Variants in TNS4 observed in about 807,000 individuals in gnomAD.
TNS4 encodes the protein tensin-4.
TNS4 carries 46 observed loss-of-function variants against 70.4 expected under a neutral mutation model. That is an observed-to-expected ratio of 0.65 (90% CI 0.52 to 0.84). The LOEUF is 0.84. TNS4 is among the 40% of genes least tolerant of loss of function. TNS4 has a pLI of 0.00. For missense variants in TNS4, 863 were observed against 907.0 expected, an observed-to-expected ratio of 0.95 and a Z score of 0.62; for synonymous variants, 390 against 366.6, an observed-to-expected ratio of 1.06 and a Z score of -0.73.
rs11463268 is a variant in TNS4 at position 40,489,796 on chromosome 17, C to CAAAA, written c.440-831_440-828dup. On this transcript the variant is annotated intron_variant, in intron 2 of 12. Transcript: ENST00000254051. ...AGTGACAAGAGTGAAGCCCCATCTC[C>CAAAA]AAAAAAAAAAAAAAAAAGGAAGTGG... 9.4e-4 allele frequency among the ~76,000 whole-genome samples: 99 copies of CAAAA among 105,604 alleles called. 1 individual carries two copies. Among genetic ancestry groups the CAAAA allele is most frequent in the African/African-American group, 3.5e-3 (94 of 26,960 alleles). The allele number at this position is 105,604 out of a possible 152,430, so 69.3% of individuals were successfully genotyped here. A position where few individuals can be genotyped will look rare whatever the true frequency, so the allele number is the denominator to read the frequency against.
In TNS4 at chr17:40,482,406, G is replaced by A; in HGVS notation, c.1512C>T (p.Ser504=). ...TGAGGAAGTGTCGGATGAGGTCATTGCTGTCCTCACCTGGACAGAGAAGAA... is the reference window on the plus strand; with the variant it reads ...TGAGGAAGTGTCGGATGAGGTCATTACTGTCCTCACCTGGACAGAGAAGAA... ...ASAQSRPGED[S]NDLIRHFLIE... The change falls in exon 7 of 13, where the codon AGC becomes AGT. Residue 504 remains serine, a synonymous_variant. Transcript: ENST00000254051. 1 of 1,613,914 alleles carries A rather than the reference G, an allele frequency of 6.2e-7. No homozygotes were observed. Among genetic ancestry groups the A allele is most frequent in the Non-Finnish European group, 8.5e-7 (1 of 1,179,942 alleles).
Position 40,488,662 on chromosome 17 carries a change from C to A in TNS4, c.747G>T (p.Pro249=). The change falls in exon 3 of 13, where the codon CCG becomes CCT. Residue 249 remains proline (P), a synonymous_variant. Transcript: ENST00000254051. ...KASSPHGLGS[P]LVASPRLEKR... ...TCTCCAGTCTTGGAGAAGCCACCAG[C>A]GGGGAGCCCAAACCATGGGGGCTCG... 1 of 1,561,696 alleles carries A rather than the reference C, an allele frequency of 6.4e-7. No individual in the cohort carries two copies. The highest frequency in any genetic ancestry group is 8.7e-7 in the Non-Finnish European group (1 of 1,153,606).
rs931736931 is a variant in TNS4 at position 40,477,544 on chromosome 17, C to T, written c.*44G>A. 1.2e-5 allele frequency: 20 copies of T among 1,606,208 alleles called. No individual in the cohort carries two copies. The highest frequency in any genetic ancestry group is 3.3e-5 in the South Asian group (3 of 90,306). On this transcript the variant is annotated 3_prime_UTR_variant, in exon 13 of 13. Transcript: ENST00000254051. ...CAGGGGGTGGAGGGGGGCTCCTTAG[C>T]GAGCCCCTGGAGGTGTTGGTTAGGT...
rs766829085 is a variant in TNS4, at chr17:40,477,689, C to T, written c.2047G>A (p.Glu683Lys). Reference protein sequence around the residue: ...FVAKSQTEPQENVCHLFAEYD... With the variant: ...FVAKSQTEPQKNVCHLFAEYD... ...TCCGCAAAGAGGTGGCATACGTTCT[C>T]CTGAGGCTCTGTCTGGCTCTTGGCC... The change falls in exon 13 of 13, where the codon GAG (glutamate) becomes AAG (lysine). Residue 683 changes from glutamate to lysine, a missense_variant. By Grantham distance (56) the Glu-to-Lys change is moderately conservative. Coordinates refer to ENST00000254051, the MANE Select transcript of TNS4 (RefSeq NM_032865.6). 1 of 1,614,100 alleles carries T rather than the reference C, an allele frequency of 6.2e-7. No individual in the cohort carries two copies. Among genetic ancestry groups the T allele is most frequent in the Admixed American group, 1.7e-5 (1 of 60,020 alleles).
At position 40,478,577 on chromosome 17, in the gene TNS4, T is replaced by G. The variant is rs780047833; in HGVS notation, c.1979+3A>C. Reference sequence around the variant, plus strand: ...TCTTAGTTTGGCCCAGCCTTGAACTTACTTCCGTTGCTCAGGGTCCATACC... The same window carrying G: ...TCTTAGTTTGGCCCAGCCTTGAACTGACTTCCGTTGCTCAGGGTCCATACC... On this transcript the variant is annotated splice_donor_region_variant and intron_variant, in intron 11 of 12. Coordinates refer to ENST00000254051, the MANE Select transcript of TNS4 (RefSeq NM_032865.6). 2 of 1,614,094 alleles carry G rather than the reference T, an allele frequency of 1.2e-6. No individual in the cohort carries two copies. The highest frequency in any genetic ancestry group is 1.7e-6 in the Non-Finnish European group (2 of 1,179,964).
chr17:40,476,941 T>A lies in TNS4; in HGVS notation c.*647A>T, dbSNP rs1199008328. The stretch of plus-strand genomic sequence containing the variant: ...TGCAAGGGGGTGCAGGACAGCTGGG[T>A]CTCCTCTGACCATGGGGACAAGTTC... On this transcript the variant is annotated 3_prime_UTR_variant, in exon 13 of 13. Transcript: ENST00000254051. The A allele has an allele frequency of 1.3e-5, 2 of 152,024 alleles. No individual in the cohort carries two copies. Among genetic ancestry groups the A allele is most frequent in the Non-Finnish European group, 2.9e-5 (2 of 68,042 alleles). The allele number at this position is 152,024 out of a possible 1,614,324, so 9.4% of individuals were successfully genotyped here.
rs951927409 is a variant in TNS4, at chr17:40,477,424, C to G, written c.*164G>C. 20 of 859,336 alleles carry G rather than the reference C, an allele frequency of 2.3e-5. No homozygotes were observed. The highest frequency in any genetic ancestry group is 3.5e-4 in the Middle Eastern group (1 of 2,870). 53.2% of individuals were successfully genotyped at this position (859,336 alleles called of 1,614,324 possible). A position where few individuals can be genotyped will look rare whatever the true frequency, so the allele number is the denominator to read the frequency against. On this transcript the variant is annotated 3_prime_UTR_variant, in exon 13 of 13. Transcript: ENST00000254051. ...CGGGGGGTCTGGATGATGGTGACTG[C>G]TGAAGGCCATAGCAGGTTCAAGGGT...
Position 40,496,297 on chromosome 17 carries a change from G to A in TNS4, c.129C>T (p.Tyr43=), listed in dbSNP as rs757683724. The A allele has an allele frequency of 5.0e-6, 8 of 1,613,058 alleles. No individual in the cohort carries two copies. The highest frequency in any genetic ancestry group is 1.1e-5 in the South Asian group (1 of 90,992). Residue 43 remains tyrosine, a synonymous_variant, in exon 2 of 13, where the codon TAC becomes TAT. Coordinates refer to ENST00000254051, the MANE Select transcript of TNS4 (RefSeq NM_032865.6). ...CCTGGGCTCCCCAGCCTTCCGTGGT[G>A]TAGTAAGAACACTGGGGTGGCAGGC... ...SPSLPPQCSY[Y]TTEGWGAQAL...
intron 1 of TNS4, among the ~76,000 whole-genome samples, chr17:40,499,819 C>T (rs1396395334): frequency 6.6e-6 from 1 of 152,218 alleles, no homozygotes; most frequent in Non-Finnish European, 1.5e-5. Context: ...GCAGGGTTTT[C>T]TGGCTGTGTC....
rs73983056 is a variant in TNS4 at position 40,493,370 on chromosome 17, C to T, written c.439+2617G>A. Among the ~76,000 whole-genome samples the T allele has an allele frequency of 9.7e-3, 1,473 of 152,200 alleles. 28 individuals carry two copies. Among genetic ancestry groups the T allele is most frequent in the African/African-American group, 0.032 (1,341 of 41,524 alleles). ...GGGATCCTCCACTCTGAATACATTTCGAGGTAAGAGAACTCACCACAACGC... is the reference window on the plus strand; with the variant it reads ...GGGATCCTCCACTCTGAATACATTTTGAGGTAAGAGAACTCACCACAACGC... On this transcript the variant is annotated intron_variant, in intron 2 of 12. Transcript: ENST00000254051.
Position 40,484,892 on chromosome 17 carries a change from A to T in TNS4, c.1375+29T>A, listed in dbSNP as rs538802509. 1.9e-6 allele frequency: 3 copies of T among 1,609,334 alleles called. No individual in the cohort carries two copies. In the African/African-American group the frequency reaches 4.0e-5, roughly 21 times the overall value. On this transcript the variant is annotated intron_variant, in intron 5 of 12. Transcript: ENST00000254051. ...ATGCAAAGTGCAAGACCCAGACCCT[A>T]TTCTGGGGTCACTCGTGCTTCCTTT...
chr17:40,498,659 G>C (rs936967654), intron 1 of TNS4, among the ~76,000 whole-genome samples: 1 of 152,082 alleles, frequency 6.6e-6, no homozygotes. Context: ...TGGGGCTCAA[G>C]CGATTCTCCC....
intron 9 of TNS4, 21 bp from the exon 10 acceptor site, chr17:40,479,863 G>A (rs2290209): frequency 1.2e-5 from 19 of 1,594,274 alleles, no homozygotes; most frequent in East Asian, 2.3e-5. Context: ...CAGACACTGC[G>A]CTGGGGCCAC....
rs375044058 is a variant in TNS4 at position 40,479,656 on chromosome 17, G to A, written c.1910+18C>T. The A allele has an allele frequency of 3.7e-6, 6 of 1,608,112 alleles. No individual in the cohort carries two copies. In the South Asian group the frequency reaches 5.5e-5, roughly 15 times the overall value. On this transcript the variant is annotated intron_variant, in intron 10 of 12. Coordinates refer to ENST00000254051, the MANE Select transcript of TNS4 (RefSeq NM_032865.6). ...ACTCCGCCAGCCCCGGAGCCCCAGG[G>A]CAAGGGAAGGCCCTTACTTCCTCTG...
At position 40,490,207 on chromosome 17, in the gene TNS4, C is replaced by T. The variant is rs184260469; in HGVS notation, c.440-1238G>A. Among the ~76,000 whole-genome samples, 324 of 152,376 alleles carry T rather than the reference C, an allele frequency of 2.1e-3. 2 individuals carry two copies. Among genetic ancestry groups the T allele is most frequent in the Non-Finnish European group, 3.7e-3 (254 of 68,038 alleles). On this transcript the variant is annotated intron_variant, in intron 2 of 12. Transcript: ENST00000254051. ...CACCCAACACACCCCAGGCTGCCGA[C>T]GCGCTCCAGCGCTCTTTCCACTCCC...
intron 9 of TNS4, 49 bp downstream of exon 9, chr17:40,480,651 C>G: frequency 6.8e-7 from 1 of 1,465,154 alleles, no homozygotes; most frequent in Non-Finnish European, 9.0e-7. Flanking sequence ...TGGGAGGTGC[C>G]CTCTTGGGGC....
At chr17:40,492,914 G>C (rs1452342768) in intron 2 of TNS4, among the ~76,000 whole-genome samples, 1 of 152,084 alleles carries the variant, frequency 6.6e-6, no homozygotes, top group African/African-American at 2.4e-5. Flanking sequence ...GGGCATAGTG[G>C]TGGGCACCTG....
At chr17:40,478,139 G>A in intron 12 of TNS4, 168 bp downstream of exon 12, 20 of 836,768 alleles carry the variant, frequency 2.4e-5, no homozygotes, top group Non-Finnish European at 3.8e-5. Context: ...CAACAGCCCA[G>A]AGGCTCTGAG....
chr17:40,490,231 C>T (rs2036050640), intron 2 of TNS4, among the ~76,000 whole-genome samples: 1 of 152,246 alleles, frequency 6.6e-6, no homozygotes, highest in African/African-American at 2.4e-5. Context: ...CTTTCCACTC[C>T]CTGGTCGGGG....
Sources: gnomAD v4.1 joint callset for allele counts (sites outside exome capture counted in the v4.1 genomes callset) on GRCh38, gnomAD v4.1.1 for gene constraint, MANE v1.5 for transcripts, NCBI Gene and HGNC (gene_info 2026-07-23, HGNC 2026-07-21) for gene names.